NPAS3: variants seen among roughly 807,000 people sequenced by gnomAD.
NPAS3 encodes neuronal PAS domain protein 3, also known as neuronal PAS domain-containing protein 3.
In NPAS3, 14 loss-of-function variants were observed where a neutral mutation model predicts 73.1. That is an observed-to-expected ratio of 0.19 (90% CI 0.13 to 0.30). The LOEUF is 0.30. Ranked by LOEUF, NPAS3 falls within the 10% of genes least tolerant of loss-of-function variation. NPAS3 has a pLI of 1.00. For synonymous variants in NPAS3, 620 were observed against 541.5 expected, an observed-to-expected ratio of 1.14 and a Z score of -2.01; for missense variants, 1,096 against 1,250.0, an observed-to-expected ratio of 0.88 and a Z score of 1.86.
At chr14:33,753,080 G>C (rs774193700) in intron 7 of NPAS3, among the ~76,000 whole-genome samples, 2 of 152,122 alleles carry the variant, frequency 1.3e-5, no homozygotes, top group African/African-American at 4.8e-5. Context: ...TTAAAGAACA[G>C]TTCATTAGTG....
chr14:33,561,729 A>G (rs549063322), intron 5 of NPAS3, among the ~76,000 whole-genome samples: 2 of 152,342 alleles, frequency 1.3e-5, no homozygotes, highest in South Asian at 4.1e-4. Flanking sequence ...GCACATATTC[A>G]TGTTTCATGC....
chr14:33,038,927 G>T (rs1457339998), intron 1 of NPAS3, among the ~76,000 whole-genome samples: 2 of 152,122 alleles, frequency 1.3e-5, no homozygotes, highest in African/African-American at 4.8e-5. Context: ...ATGAAGTTTG[G>T]TATGAAATGA....
chr14:33,385,932 C>T (rs1330981711), intron 4 of NPAS3, among the ~76,000 whole-genome samples: 1 of 152,116 alleles, frequency 6.6e-6, no homozygotes, highest in Non-Finnish European at 1.5e-5. Context: ...AAGCCCAATC[C>T]GGGTACTATG....
At chr14:33,284,213 G>A (rs2041763207) in intron 3 of NPAS3, among the ~76,000 whole-genome samples, 1 of 152,030 alleles carries the variant, frequency 6.6e-6, no homozygotes, top group Non-Finnish European at 1.5e-5. Context: ...CAATATTAGG[G>A]GAAATGTACT....
At chr14:33,126,360 C>G (rs1171424452) in intron 2 of NPAS3, among the ~76,000 whole-genome samples, 2 of 152,102 alleles carry the variant, frequency 1.3e-5, no homozygotes, top group African/African-American at 2.4e-5. Context: ...GGATGCCGTT[C>G]CTGTGTTCTA....
intron 5 of NPAS3, among the ~76,000 whole-genome samples, chr14:33,593,335 T>C (rs1295936543): frequency 6.6e-6 from 1 of 152,204 alleles, no homozygotes; most frequent in Non-Finnish European, 1.5e-5. Context: ...TTCTTTTGCC[T>C]CTACTGGTTA....
At chr14:33,422,043 G>C (rs550676904) in intron 4 of NPAS3, among the ~76,000 whole-genome samples, 1 of 151,904 alleles carries the variant, frequency 6.6e-6, no homozygotes, top group East Asian at 1.9e-4. Flanking sequence ...ACAGCAAATT[G>C]AACTTTCTGA....
At chr14:33,252,234 T>C (rs968364007) in intron 3 of NPAS3, among the ~76,000 whole-genome samples, 1 of 152,024 alleles carries the variant, frequency 6.6e-6, no homozygotes, top group Non-Finnish European at 1.5e-5. Context: ...GTACAGCCCA[T>C]AGGACTGCAT....
chr14:33,400,181 A>G (rs879703854), intron 4 of NPAS3, among the ~76,000 whole-genome samples: 1 of 152,126 alleles, frequency 6.6e-6, no homozygotes, highest in Non-Finnish European at 1.5e-5. Flanking sequence ...ATGCTTTTCA[A>G]GTTCATTTTA....
chr14:33,484,469 G>A (rs1404146173), intron 4 of NPAS3, among the ~76,000 whole-genome samples: 1 of 152,168 alleles, frequency 6.6e-6, no homozygotes, highest in African/African-American at 2.4e-5. Context: ...TTGACAGGAA[G>A]CACTCAGTAA....
chr14:33,437,726 A>T (rs534102324), intron 4 of NPAS3, among the ~76,000 whole-genome samples: 1 of 152,344 alleles, frequency 6.6e-6, no homozygotes, highest in African/African-American at 2.4e-5. Flanking sequence ...TAGCCCACAT[A>T]GACACTGTCA....
intron 4 of NPAS3, among the ~76,000 whole-genome samples, chr14:33,541,095 A>AGGGGTGTG (rs771119139): frequency 3.5e-5 from 2 of 57,112 alleles, no homozygotes; most frequent in African/African-American, 1.5e-4. Flanking sequence ...GTATGTTTAG[A>AGGGGTGTG]GGTGTGTGTG....
At chr14:33,015,961 G>C (rs758374539) in intron 1 of NPAS3, among the ~76,000 whole-genome samples, 2 of 152,180 alleles carry the variant, frequency 1.3e-5, no homozygotes, top group Non-Finnish European at 2.9e-5. Context: ...GAAAAGAGTA[G>C]TTTTTGGCTA....
intron 2 of NPAS3, among the ~76,000 whole-genome samples, chr14:33,085,161 TAATTCTGATATTCC>T (rs897524848): frequency 6.6e-5 from 10 of 152,236 alleles, no homozygotes; most frequent in African/African-American, 2.4e-4. Flanking sequence ...TATTCCAAGA[TAATTCTGATATTCC>T]AGTTCTTTCC....
chr14:33,356,828 C>G (rs574666837), intron 3 of NPAS3, among the ~76,000 whole-genome samples: 1 of 152,302 alleles, frequency 6.6e-6, no homozygotes, highest in East Asian at 1.9e-4. Context: ...TTAAGAACCT[C>G]TAATAGAGAA....
At chr14:33,024,844 C>A (rs1018492286) in intron 1 of NPAS3, among the ~76,000 whole-genome samples, 2 of 152,116 alleles carry the variant, frequency 1.3e-5, no homozygotes, top group Admixed American at 1.3e-4. Flanking sequence ...CTTTTGTAAT[C>A]AGAAAACACC....
intron 4 of NPAS3, among the ~76,000 whole-genome samples, chr14:33,501,745 C>G (rs1343429108): frequency 6.6e-6 from 1 of 151,730 alleles, no homozygotes; most frequent in African/African-American, 2.4e-5. Context: ...TAGCCTGCAG[C>G]AGCTCAGGGA....
chr14:33,606,812 G>C (rs2057584329), intron 5 of NPAS3, among the ~76,000 whole-genome samples: 1 of 152,144 alleles, frequency 6.6e-6, no homozygotes, highest in South Asian at 2.1e-4. Context: ...GCCACAGACA[G>C]GAAGGAAACA....
chr14:33,426,920 G>A (rs2048577443), intron 4 of NPAS3, among the ~76,000 whole-genome samples: 1 of 152,088 alleles, frequency 6.6e-6, no homozygotes, highest in African/African-American at 2.4e-5. Context: ...CTTTATGCAG[G>A]AAAATAAGCC....
Sources: allele counts gnomAD v4.1 joint callset (sites outside exome capture counted in the v4.1 genomes callset), GRCh38; gene constraint gnomAD v4.1.1; transcripts MANE v1.5; gene names NCBI Gene and HGNC (gene_info 2026-07-23, HGNC 2026-07-21).